The following STX8 variants were observed in gnomAD, a reference collection of about 807,000 sequenced individuals.
The protein encoded by STX8 is syntaxin-8.
Under a neutral mutation model 37.5 loss-of-function variants are expected in STX8, and 23 were observed. That is an observed-to-expected ratio of 0.61 (90% CI 0.44 to 0.87). The LOEUF is 0.87. Among genes scored for constraint, STX8 ranks in the 40% least tolerant of loss-of-function variants. STX8 has a pLI of 0.00. For missense variants in STX8, 313 were observed against 284.7 expected (o/e 1.10, Z -0.71); for synonymous variants, 115 against 99.1 (o/e 1.16, Z -0.95).
At chr17:9,375,699 C>T (rs1428159128) in intron 7 of STX8, among the ~76,000 whole-genome samples, 1 of 152,144 alleles carries the variant, frequency 6.6e-6, no homozygotes, top group Non-Finnish European at 1.5e-5. Context: ...ATGGCAAAAA[C>T]CACGTTTACT....
chr17:9,261,062 G>T (rs1907008519), intron 7 of STX8, among the ~76,000 whole-genome samples: 1 of 152,248 alleles, frequency 6.6e-6, no homozygotes, highest in African/African-American at 2.4e-5. Flanking sequence ...GAAATTAAAA[G>T]GAATGAAGAC....
chr17:9,327,713 T>C (rs1045514172), intron 7 of STX8, among the ~76,000 whole-genome samples: 1 of 152,114 alleles, frequency 6.6e-6, no homozygotes, highest in Non-Finnish European at 1.5e-5. Context: ...TCTCACTCTG[T>C]CGCCCAAGCT....
intron 6 of STX8, among the ~76,000 whole-genome samples, chr17:9,481,163 G>A (rs113494420): frequency 0.025 from 3,801 of 152,176 alleles, 135 homozygotes; most frequent in African/African-American, 0.084. Flanking sequence ...GATTATAGGC[G>A]TGAACCACCG....
intron 7 of STX8, among the ~76,000 whole-genome samples, chr17:9,321,593 C>T (rs1434847442): frequency 2.0e-5 from 3 of 152,046 alleles, no homozygotes; most frequent in Non-Finnish European, 2.9e-5. Flanking sequence ...AATCCCAGCT[C>T]ACTGCAACCT....
At chr17:9,374,348 C>T (rs1445648021) in intron 7 of STX8, among the ~76,000 whole-genome samples, 3 of 152,144 alleles carry the variant, frequency 2.0e-5, no homozygotes, top group Non-Finnish European at 4.4e-5. Context: ...TTCCAAAGTG[C>T]TGGGATTACA....
chr17:9,284,678 G>GA lies in STX8; in HGVS notation c.644-34034dup, dbSNP rs560409082. On this transcript the variant is annotated intron_variant, in intron 7 of 7. Transcript: ENST00000306357. The stretch of plus-strand genomic sequence containing the variant: ...AAACATACTTTTTGAAATAATCAGG[G>GA]AAAAAAATAAGTTTAAAGTTTCCTC... Among the ~76,000 whole-genome samples, 17 of 152,046 alleles carry GA rather than the reference G, an allele frequency of 1.1e-4. No homozygotes were observed. The East Asian group carries it at 2.7e-3, about 24-fold the overall frequency.
At chr17:9,401,990 G>C (rs12450630) in intron 6 of STX8, among the ~76,000 whole-genome samples, 32,484 of 152,086 alleles carry the variant, frequency 0.21, 4,093 homozygotes, top group South Asian at 0.39. Flanking sequence ...CTCTGTACCA[G>C]CAATTTCCAG....
At chr17:9,367,838 C>A (rs1911275567) in intron 7 of STX8, among the ~76,000 whole-genome samples, 1 of 152,162 alleles carries the variant, frequency 6.6e-6, no homozygotes, top group African/African-American at 2.4e-5. Flanking sequence ...TCAAGCAATT[C>A]TCCTGCCTCA....
At chr17:9,453,919 G>A (rs1905115819) in intron 6 of STX8, among the ~76,000 whole-genome samples, 1 of 152,154 alleles carries the variant, frequency 6.6e-6, no homozygotes, top group Non-Finnish European at 1.5e-5. Flanking sequence ...CAGTCTGGAT[G>A]GGGAAGCATG....
intron 1 of STX8, among the ~76,000 whole-genome samples, chr17:9,575,539 T>A: frequency 6.6e-6 from 1 of 152,054 alleles, no homozygotes; most frequent in Non-Finnish European, 1.5e-5. Flanking sequence ...CCAGAAAAGC[T>A]AAAGGAATAT....
At chr17:9,560,618 GA>G (rs1172580003) in intron 2 of STX8, among the ~76,000 whole-genome samples, 1 of 152,046 alleles carries the variant, frequency 6.6e-6, no homozygotes, top group Non-Finnish European at 1.5e-5. Flanking sequence ...GAAACAAAAG[GA>G]AACGCTCAAT....
intron 6 of STX8, among the ~76,000 whole-genome samples, chr17:9,470,703 T>TA: frequency 6.6e-6 from 1 of 152,302 alleles, no homozygotes; most frequent in South Asian, 2.1e-4. Context: ...CAGAAAAAGC[T>TA]AACACAGCAG....
At chr17:9,453,971 C>T (rs777168012) in intron 6 of STX8, among the ~76,000 whole-genome samples, 10 of 152,048 alleles carry the variant, frequency 6.6e-5, no homozygotes, top group Non-Finnish European at 1.5e-4. Flanking sequence ...TCTGGGAAAC[C>T]GCTCTCACAT....
intron 6 of STX8, among the ~76,000 whole-genome samples, chr17:9,445,529 G>A (rs1429190111): frequency 7.1e-6 from 1 of 139,882 alleles, no homozygotes; most frequent in Non-Finnish European, 1.6e-5. Context: ...GGGGGTGGGG[G>A]TGAGGGCTCA....
At chr17:9,519,989 T>C (rs1301133736) in intron 4 of STX8, among the ~76,000 whole-genome samples, 1 of 152,186 alleles carries the variant, frequency 6.6e-6, no homozygotes, top group African/African-American at 2.4e-5. Context: ...CAAGCGGGAT[T>C]GTAGTTAGTT....
At chr17:9,346,728 A>G (rs975901659) in intron 7 of STX8, among the ~76,000 whole-genome samples, 1 of 152,228 alleles carries the variant, frequency 6.6e-6, no homozygotes, top group African/African-American at 2.4e-5. Flanking sequence ...CTGACTGGCC[A>G]CAGTGACACC....
intron 6 of STX8, among the ~76,000 whole-genome samples, chr17:9,488,861 C>T (rs114442250): frequency 1.0e-3 from 148 of 147,208 alleles, no homozygotes; most frequent in African/African-American, 3.7e-3. Context: ...GAGAGTCTCT[C>T]GCTCGGTCAC....
chr17:9,439,191 T>A (rs1437234972), intron 6 of STX8, among the ~76,000 whole-genome samples: 1 of 152,202 alleles, frequency 6.6e-6, no homozygotes, highest in Non-Finnish European at 1.5e-5. Context: ...TGATATCATT[T>A]GCTGGTTTCA....
rs1434863566 is a variant in STX8 at position 9,250,649 on chromosome 17, GAA to G, written c.644-6_644-5del. On this transcript the variant is annotated splice_region_variant and splice_polypyrimidine_tract_variant and intron_variant, in intron 7 of 7. Coordinates refer to ENST00000306357, the MANE Select transcript of STX8 (RefSeq NM_004853.3). ...AGTAAAATCACCATGATCATCCCTG[GAA>G]AAAAGCAGCAGAAAATACTACTTTT... The G allele has an allele frequency of 6.3e-7, 1 of 1,591,634 alleles. No individual in the cohort carries two copies. The highest frequency in any genetic ancestry group is 8.6e-7 in the Non-Finnish European group (1 of 1,168,782).
Sources: gnomAD v4.1 joint callset for allele counts (sites outside exome capture counted in the v4.1 genomes callset) on GRCh38, gnomAD v4.1.1 for gene constraint, MANE v1.5 for transcripts, NCBI Gene and HGNC (gene_info 2026-07-23, HGNC 2026-07-21) for gene names.